The following NINJ2 variants were observed in gnomAD, a reference collection of about 807,000 sequenced individuals.
NINJ2 encodes the protein ninjurin-2.
A neutral mutation model predicts 11.7 loss-of-function variants in NINJ2; 12 were observed. The ratio of observed to expected loss-of-function variants is 1.02; its 90% CI spans 0.66 to 1.66. The LOEUF (loss-of-function observed/expected upper bound fraction) is 1.66. Among genes scored for constraint, NINJ2 ranks in the 40% most tolerant of loss-of-function variants. NINJ2 has a pLI of 0.00. For synonymous variants in NINJ2, 93 were observed against 76.8 expected, an observed-to-expected ratio of 1.21 and a Z score of -1.10; for missense variants, 187 against 181.8, an observed-to-expected ratio of 1.03 and a Z score of -0.16.
chr12:611,393 A>G (rs898077348), intron 1 of NINJ2, among the ~76,000 whole-genome samples: 3 of 148,506 alleles, frequency 2.0e-5, no homozygotes, highest in African/African-American at 7.5e-5. Context: ...GCTGGAGTGC[A>G]GTGGCACGAT....
chr12:632,185 G>C (rs562411693), intron 1 of NINJ2: 15 of 152,342 alleles, frequency 9.8e-5, no homozygotes, highest in African/African-American at 3.4e-4. Context: ...AAAAGATTGA[G>C]TAAAGCTGAG....
chr12:604,810 T>A (rs898651430), intron 1 of NINJ2, among the ~76,000 whole-genome samples: 28 of 152,100 alleles, frequency 1.8e-4, no homozygotes, highest in Non-Finnish European at 1.5e-4. Flanking sequence ...ACAGAGCAGT[T>A]CAACCCTCCG....
intron 1 of NINJ2, among the ~76,000 whole-genome samples, chr12:629,840 T>G (rs1301374845): frequency 7.5e-6 from 1 of 132,590 alleles, no homozygotes; most frequent in Non-Finnish European, 1.6e-5. Context: ...TGAGCCGAGA[T>G]CGTGCCGTTG....
chr12:575,374 G>T (rs1180898920), intron 1 of NINJ2, among the ~76,000 whole-genome samples: 3 of 152,062 alleles, frequency 2.0e-5, no homozygotes, highest in Non-Finnish European at 2.9e-5. Flanking sequence ...AGACGTGCAG[G>T]GCCACACCAG....
Position 564,673 on chromosome 12 carries a change from G to T in NINJ2, c.*27C>A. The T allele has an allele frequency of 6.5e-6, 1 of 152,724 alleles. No individual in the cohort carries two copies. The highest frequency in any genetic ancestry group is 1.5e-5 in the Non-Finnish European group (1 of 68,312). 9.5% of individuals were successfully genotyped at this position (152,724 alleles called of 1,614,324 possible). A position where few individuals can be genotyped will look rare whatever the true frequency, so the allele number is the denominator to read the frequency against. On this transcript the variant is annotated 3_prime_UTR_variant, in exon 4 of 4. Coordinates refer to ENST00000305108, the MANE Select transcript of NINJ2 (RefSeq NM_016533.6). ...CGGAGGAAGGAGGCAGAAGTTCCAG[G>T]CCCAGAACCTGTTGAGGAAGCAGAG...
intron 1 of NINJ2, among the ~76,000 whole-genome samples, chr12:577,122 T>C (rs1421108181): frequency 6.6e-6 from 1 of 152,194 alleles, no homozygotes; most frequent in Non-Finnish European, 1.5e-5. Flanking sequence ...TGATACACTT[T>C]ACAAACTGTC....
chr12:654,289 C>T (rs1937839627), intron 1 of NINJ2, among the ~76,000 whole-genome samples: 2 of 151,978 alleles, frequency 1.3e-5, no homozygotes, highest in African/African-American at 2.4e-5. Context: ...TTTGGGAGGC[C>T]GAGGTGGGCA....
chr12:606,513 G>A (rs377069472), intron 1 of NINJ2, among the ~76,000 whole-genome samples: 12 of 152,262 alleles, frequency 7.9e-5, no homozygotes, highest in African/African-American at 2.9e-4. Context: ...CTTACCAAGT[G>A]CCCTATATAA....
chr12:609,155 T>C (rs1259604782), intron 1 of NINJ2, among the ~76,000 whole-genome samples: 2 of 68,134 alleles, frequency 2.9e-5, no homozygotes, highest in Non-Finnish European at 5.2e-5. Context: ...CGCTAGGGGC[T>C]GTACGCGCAC....
At chr12:634,262 G>GTTTTTT (rs1565643231) in intron 1 of NINJ2, among the ~76,000 whole-genome samples, 1 of 75,622 alleles carries the variant, frequency 1.3e-5, no homozygotes, top group African/African-American at 4.0e-5. Context: ...ATTAGTTGCA[G>GTTTTTT]TTCTTTTTTT....
At chr12:587,226 A>G (rs1185816170) in intron 1 of NINJ2, among the ~76,000 whole-genome samples, 1 of 152,168 alleles carries the variant, frequency 6.6e-6, no homozygotes, top group African/African-American at 2.4e-5. Context: ...GAGTCAGCTC[A>G]CCAGGACGGG....
At chr12:586,950 C>A (rs1433690363) in intron 1 of NINJ2, among the ~76,000 whole-genome samples, 2 of 152,230 alleles carry the variant, frequency 1.3e-5, no homozygotes, top group Non-Finnish European at 2.9e-5. Context: ...GAAGAGCTCA[C>A]TGTCCCCTCT....
chr12:583,890 G>A (rs1428746314), intron 1 of NINJ2, among the ~76,000 whole-genome samples: 1 of 152,178 alleles, frequency 6.6e-6, no homozygotes, highest in Non-Finnish European at 1.5e-5. Context: ...TTACAGAACA[G>A]TGATAGCATT....
intron 1 of NINJ2, among the ~76,000 whole-genome samples, chr12:616,769 C>A (rs139808717): frequency 3.7e-4 from 56 of 152,308 alleles, no homozygotes; most frequent in Non-Finnish European, 5.3e-4. Flanking sequence ...AAATGAGACA[C>A]CTTTCTACAC....
rs1947629784 is a variant in NINJ2, at chr12:585,828, A to C, written c.34-19650T>G. ...TAATTACGGGAATGGGTGCCAAGTG[A>C]GAGATACAAAGGGTGGAAGAGCAGG... On this transcript the variant is annotated intron_variant, in intron 1 of 3. Transcript: ENST00000305108. This position sits in a 1 kb window ranked among gnomAD's most constrained non-coding sequence, Gnocchi z 4.1. 1 of 152,280 alleles carries C rather than the reference A, an allele frequency of 6.6e-6. No homozygotes were observed. Among genetic ancestry groups the C allele is most frequent in the Admixed American group, 6.5e-5 (1 of 15,272 alleles). 9.4% of individuals were successfully genotyped at this position (152,280 alleles called of 1,614,324 possible).
intron 1 of NINJ2, among the ~76,000 whole-genome samples, chr12:569,953 G>C (rs1947354333): frequency 6.6e-6 from 1 of 152,202 alleles, no homozygotes; most frequent in Non-Finnish European, 1.5e-5. Context: ...CCAGAGACGT[G>C]ACTTGGGCGC....
intron 1 of NINJ2, among the ~76,000 whole-genome samples, chr12:576,776 C>T: frequency 6.6e-6 from 1 of 152,210 alleles, no homozygotes; most frequent in East Asian, 1.9e-4. Context: ...ATTTACCTAC[C>T]ACACAGAAAT....
chr12:600,909 A>T (rs7968727), intron 1 of NINJ2, among the ~76,000 whole-genome samples: 56,491 of 151,908 alleles, frequency 0.37, 11,179 homozygotes, highest in African/African-American at 0.51. Flanking sequence ...TATGTAATTT[A>T]AAAAAATCAA....
chr12:599,692 A>C (rs1268417930), intron 1 of NINJ2, among the ~76,000 whole-genome samples: 1 of 152,166 alleles, frequency 6.6e-6, no homozygotes, highest in East Asian at 1.9e-4. Flanking sequence ...TAGAGTTGGG[A>C]GATTAGGACC....
Sources: gnomAD v4.1 joint callset for allele counts (sites outside exome capture counted in the v4.1 genomes callset) on GRCh38, gnomAD v4.1.1 for gene constraint, Gnocchi (gnomAD v3.1) non-coding constraint, MANE v1.5 for transcripts, NCBI Gene and HGNC (gene_info 2026-07-23, HGNC 2026-07-21) for gene names.